Variants in MIPOL1 observed in about 807,000 individuals in gnomAD.
MIPOL1 encodes mirror-image polydactyly gene 1 protein.
MIPOL1 carries 57 observed loss-of-function variants against 60.9 expected under a neutral mutation model. That is an observed-to-expected ratio of 0.94 (90% CI 0.76 to 1.17). MIPOL1 has a LOEUF of 1.17. Ranked by LOEUF, MIPOL1 falls within the 50% of genes most tolerant of loss-of-function variation. The pLI, the probability that MIPOL1 is intolerant of heterozygous loss-of-function variation, is 0.00. For missense variants in MIPOL1, 551 were observed against 511.6 expected (o/e 1.08, Z -0.74); for synonymous variants, 179 against 168.8 (o/e 1.06, Z -0.47).
At chr14:37,424,731 A>G (rs2153553726) in intron 11 of MIPOL1, among the ~76,000 whole-genome samples, 1 of 152,302 alleles carries the variant, frequency 6.6e-6, no homozygotes, top group African/African-American at 2.4e-5. Context: ...GCATACAGGT[A>G]TCGAAAACCC....
chr14:37,543,342 C>T (rs1594939689), intron 12 of MIPOL1, among the ~76,000 whole-genome samples: 2 of 152,156 alleles, frequency 1.3e-5, no homozygotes, highest in Middle Eastern at 3.4e-3. Context: ...ATGGTGTGAT[C>T]TCAGTTCACT....
intron 7 of MIPOL1, among the ~76,000 whole-genome samples, chr14:37,297,716 G>A (rs904246379): frequency 6.6e-6 from 1 of 152,034 alleles, no homozygotes; most frequent in African/African-American, 2.4e-5. Context: ...TTGCTTCAAA[G>A]AGAATAAAAT....
At chr14:37,339,036 A>C (rs1421515416) in intron 9 of MIPOL1, among the ~76,000 whole-genome samples, 1 of 152,236 alleles carries the variant, frequency 6.6e-6, no homozygotes, top group Non-Finnish European at 1.5e-5. Flanking sequence ...TAAGAAAATA[A>C]ATTGGCAAGG....
intron 9 of MIPOL1, among the ~76,000 whole-genome samples, chr14:37,321,295 T>C (rs531096232): frequency 4.1e-4 from 62 of 152,186 alleles, no homozygotes; most frequent in African/African-American, 1.4e-3. Flanking sequence ...TGTCTCATTA[T>C]TATATATGTT....
At chr14:37,246,091 ATTAT>A (rs1973156281) in intron 1 of MIPOL1, among the ~76,000 whole-genome samples, 1 of 152,210 alleles carries the variant, frequency 6.6e-6, no homozygotes, top group East Asian at 1.9e-4. Flanking sequence ...ATTTTAGATC[ATTAT>A]TTAAAGTCAT....
At chr14:37,352,830 A>G (rs1480304067) in intron 9 of MIPOL1, among the ~76,000 whole-genome samples, 1 of 61,736 alleles carries the variant, frequency 1.6e-5, no homozygotes, top group African/African-American at 6.5e-5. Flanking sequence ...TTTTCTAGAT[A>G]TACAATCATG....
At chr14:37,406,985 A>G (rs2093598391) in intron 10 of MIPOL1, among the ~76,000 whole-genome samples, 1 of 152,170 alleles carries the variant, frequency 6.6e-6, no homozygotes, top group Admixed American at 6.5e-5. Context: ...CTTTTGAATT[A>G]GGGTTCTTTC....
At chr14:37,332,195 GTC>G (rs2089752089) in intron 9 of MIPOL1, among the ~76,000 whole-genome samples, 1 of 151,602 alleles carries the variant, frequency 6.6e-6, no homozygotes, top group Non-Finnish European at 1.5e-5. Context: ...CTGTAGGTTT[GTC>G]ATTTATGGCC....
At chr14:37,218,059 A>G (rs1172656419) in intron 1 of MIPOL1, among the ~76,000 whole-genome samples, 8 of 151,996 alleles carry the variant, frequency 5.3e-5, no homozygotes, top group African/African-American at 1.9e-4. Context: ...ACGATGGGTT[A>G]TTTGGGATTG....
chr14:37,305,064 A>G (rs917164759), intron 7 of MIPOL1, among the ~76,000 whole-genome samples: 1 of 151,784 alleles, frequency 6.6e-6, no homozygotes, highest in Non-Finnish European at 1.5e-5. Flanking sequence ...ACCTTCCCCA[A>G]AGTCATTTTA....
At chr14:37,476,751 C>T (rs1166916489) in intron 11 of MIPOL1, among the ~76,000 whole-genome samples, 1 of 151,982 alleles carries the variant, frequency 6.6e-6, no homozygotes, top group East Asian at 1.9e-4. Context: ...GAATGTTAAA[C>T]CAGGTTTGCA....
At chr14:37,459,910 A>G (rs900723119) in intron 11 of MIPOL1, among the ~76,000 whole-genome samples, 1 of 152,030 alleles carries the variant, frequency 6.6e-6, no homozygotes, top group Non-Finnish European at 1.5e-5. Flanking sequence ...CCCTGTCTCT[A>G]CTAAAAATAC....
At chr14:37,377,679 G>A (rs61990946) in intron 10 of MIPOL1, among the ~76,000 whole-genome samples, 1,649 of 150,758 alleles carry the variant, frequency 0.011, 20 homozygotes, top group Non-Finnish European at 0.017. Context: ...GCTTTCCCCT[G>A]CCAAAAAACA....
rs903076948 is a variant in MIPOL1 at position 37,326,228 on chromosome 14, C to A, written c.828+17709C>A. Among the ~76,000 whole-genome samples the A allele has an allele frequency of 2.0e-5, 3 of 152,140 alleles. No homozygotes were observed. The East Asian group carries it at 5.8e-4, about 29-fold the overall frequency. On this transcript the variant is annotated intron_variant, in intron 9 of 12. Coordinates refer to ENST00000684589, the MANE Select transcript of MIPOL1 (RefSeq NM_001388067.1). Reference sequence around the variant, plus strand: ...CACTGTAACCAAGTCTTCAAAAGACCATTTTGCTATTCTGTCAAGCTAGCT... The same window carrying A: ...CACTGTAACCAAGTCTTCAAAAGACAATTTTGCTATTCTGTCAAGCTAGCT...
At chr14:37,265,068 C>T (rs1189448737) in intron 3 of MIPOL1, 2 of 152,158 alleles carry the variant, frequency 1.3e-5, no homozygotes, top group Admixed American at 6.5e-5. Context: ...CCGACTATAA[C>T]ATCTTGTCAT....
chr14:37,268,888 G>T (rs1018574320), intron 5 of MIPOL1, 95 bp downstream of exon 5: 3 of 1,046,534 alleles, frequency 2.9e-6, no homozygotes, highest in East Asian at 2.9e-5. Flanking sequence ...GTTTTATTTT[G>T]CACTTTAATC....
At chr14:37,405,255 T>G (rs1215269539) in intron 10 of MIPOL1, among the ~76,000 whole-genome samples, 1 of 152,144 alleles carries the variant, frequency 6.6e-6, no homozygotes, top group Non-Finnish European at 1.5e-5. Context: ...AGGGGATTCT[T>G]TTTTCTTATG....
intron 12 of MIPOL1, among the ~76,000 whole-genome samples, chr14:37,521,910 A>ATTTTT (rs34333538): frequency 2.1e-4 from 28 of 132,768 alleles, no homozygotes; most frequent in East Asian, 8.8e-4. Context: ...ATATATATAT[A>ATTTTT]TTTTTTTTTT....
At chr14:37,212,327 G>C (rs1004374327) in intron 1 of MIPOL1, 1 of 152,138 alleles carries the variant, frequency 6.6e-6, no homozygotes, top group African/African-American at 2.4e-5. Context: ...GACCTGCTCT[G>C]GGCCAGAGAG....
Sources: allele counts gnomAD v4.1 joint callset (sites outside exome capture counted in the v4.1 genomes callset), GRCh38; gene constraint gnomAD v4.1.1; transcripts MANE v1.5; gene names NCBI Gene and HGNC (gene_info 2026-07-23, HGNC 2026-07-21).